Variants in SCARA5 observed in about 807,000 individuals in gnomAD.
SCARA5 encodes scavenger receptor class A member 5.
SCARA5 carries 45 observed loss-of-function variants against 46.3 expected under a neutral mutation model. The observed-to-expected ratio is 0.97, with a 90% CI of 0.76 to 1.24. The LOEUF (loss-of-function observed/expected upper bound fraction) is 1.24, where lower values mean the gene tolerates loss of function less well. SCARA5 is among the 50% of genes most tolerant of loss of function. The pLI is 0.00. For synonymous variants in SCARA5, 333 were observed against 306.5 expected (o/e 1.09, Z -0.90); for missense variants, 680 against 689.0 (o/e 0.99, Z 0.15).
At chr8:27,936,136 G>A (rs1807853133) in intron 3 of SCARA5, among the ~76,000 whole-genome samples, 2 of 152,128 alleles carry the variant, frequency 1.3e-5, no homozygotes, top group Non-Finnish European at 2.9e-5. Flanking sequence ...AAGAACCAGA[G>A]AGACTTTCCT....
chr8:27,886,657 C>CCAA (rs1806900544), intron 7 of SCARA5, among the ~76,000 whole-genome samples: 2 of 152,312 alleles, frequency 1.3e-5, no homozygotes, highest in African/African-American at 2.4e-5. Flanking sequence ...CCAACGCCCT[C>CCAA]CAACAGTGAC....
In SCARA5 at chr8:27,981,748, G is replaced by A. The variant is rs570628400; in HGVS notation, c.112+5756C>T. On this transcript the variant is annotated intron_variant, in intron 2 of 8. Coordinates refer to ENST00000354914, the MANE Select transcript of SCARA5 (RefSeq NM_173833.6). ...ATTGGGCAAGAGAGACCTGGAACAC[G>A]CCTGGCCACTGGCTCCCCCGGGGAC... Among the ~76,000 whole-genome samples the A allele has an allele frequency of 7.9e-5, 12 of 152,280 alleles. No individual in the cohort carries two copies. In the South Asian group the frequency reaches 1.0e-3, roughly 13 times the overall value.
chr8:27,901,554 G>A (rs1315874146), intron 7 of SCARA5, among the ~76,000 whole-genome samples: 1 of 152,150 alleles, frequency 6.6e-6, no homozygotes, highest in Non-Finnish European at 1.5e-5. Flanking sequence ...CCCCCACAGA[G>A]CCCGGGTCTC....
In SCARA5 at chr8:27,907,172, G is replaced by A. The variant is rs547444324; in HGVS notation, c.1072C>T (p.Pro358Ser). 6.2e-7 allele frequency: 1 copy of A among 1,613,666 alleles called. No homozygotes were observed. Among genetic ancestry groups the A allele is most frequent in the Non-Finnish European group, 8.5e-7 (1 of 1,179,794 alleles). ...CCTTTGAACCCACGCATGCCCATTG[G>A]TCCTGTGGCCCCCAGCTTCCCATCA... is the stretch of plus-strand genomic sequence containing the variant. ...GDDGKLGATG[P>S]MGMRGFKGDR... is the part of the protein sequence containing the mutation. Residue 358 changes from proline to serine, a missense_variant, in exon 6 of 9, where the codon CCA (proline) becomes TCA (serine). Coordinates refer to ENST00000354914, the MANE Select transcript of SCARA5 (RefSeq NM_173833.6).
At chr8:27,912,653 C>T (rs1807396902) in intron 4 of SCARA5, among the ~76,000 whole-genome samples, 1 of 152,242 alleles carries the variant, frequency 6.6e-6, no homozygotes, top group Non-Finnish European at 1.5e-5. Context: ...GCTGGATGCC[C>T]ACCCCTTTCT....
rs1171832483 is a variant in SCARA5, at chr8:27,872,036, G to T, written c.1386C>A (p.Cys462Ter). The T allele has an allele frequency of 6.2e-7, 1 of 1,614,244 alleles. No individual in the cohort carries two copies. Among genetic ancestry groups the T allele is most frequent in the Non-Finnish European group, 8.5e-7 (1 of 1,180,040 alleles). ...GGAAGATGGTTTCCTCTGTGCCCTTGCAGGCAACGTCATCCATCCAGATCC... is the reference window on the plus strand; with the variant it reads ...GGAAGATGGTTTCCTCTGTGCCCTTTCAGGCAACGTCATCCATCCAGATCC... ...TGRIWMDDVA[C>*]KGTEETIFRC... The change falls in exon 9 of 9, where the codon TGC becomes TGA. Residue 462 changes from cysteine (C) to a stop codon, truncating the protein, a stop_gained. Coordinates refer to ENST00000354914, the MANE Select transcript of SCARA5 (RefSeq NM_173833.6). LOFTEE classifies it high-confidence loss of function.
rs1181998571 is a variant in SCARA5 at position 27,921,742 on chromosome 8, G to C, written c.745C>G (p.Arg249Gly). ...TCGCTGGCGTTGCTCACCAGCACCC[G>C]CAGGTCCTGCAGCCGCGTGCGGTGG... is the stretch of plus-strand genomic sequence containing the variant. Reference protein sequence around the residue: ...ALHRTRLQDLRVLVSNASEDT... With the variant: ...ALHRTRLQDLGVLVSNASEDT... Residue 249 changes from arginine to glycine, a missense_variant, in exon 4 of 9, where the codon CGG becomes GGG. Physicochemically the swap from Arg to Gly is moderately radical, Grantham distance 125 (BLOSUM62 -2). Around this residue, in one of 3 missense-constraint regions of SCARA5, gnomAD observed 438 missense variants for 384.5 expected, o/e 1.14. Transcript: ENST00000354914. The C allele has an allele frequency of 6.3e-7, 1 of 1,585,746 alleles. No individual in the cohort carries two copies. Among genetic ancestry groups the C allele is most frequent in the South Asian group, 1.1e-5 (1 of 87,156 alleles).
chr8:27,879,750 C>G lies in SCARA5; in HGVS notation c.1170G>C (p.Pro390=), dbSNP rs141850473. Residue 390 remains proline, a synonymous_variant, in exon 8 of 9, where the codon CCG becomes CCC. Coordinates refer to ENST00000354914, the MANE Select transcript of SCARA5 (RefSeq NM_173833.6). ...RAGDASGVEA[P]MMIRLVNGSG... ...AGCCATTCACCAGGCGGATCATCAT[C>G]GGGGCCTCCACGCCACCTGCCGGAG... The G allele has an allele frequency of 6.2e-7, 1 of 1,612,858 alleles. No homozygotes were observed.
At chr8:27,931,055 T>A (rs1482622105) in intron 3 of SCARA5, among the ~76,000 whole-genome samples, 2 of 152,204 alleles carry the variant, frequency 1.3e-5, no homozygotes, top group Non-Finnish European at 2.9e-5. Context: ...AGGTCTGGAT[T>A]CATGTGACTT....
At chr8:27,984,392 A>G (rs1019261771) in intron 2 of SCARA5, among the ~76,000 whole-genome samples, 1 of 152,226 alleles carries the variant, frequency 6.6e-6, no homozygotes, top group Non-Finnish European at 1.5e-5. Context: ...ATGAAGATGG[A>G]CCCAGAGAAT....
intron 1 of SCARA5, among the ~76,000 whole-genome samples, chr8:27,990,707 C>G (rs754006737): frequency 2.0e-5 from 3 of 152,180 alleles, no homozygotes; most frequent in Non-Finnish European, 4.4e-5. Flanking sequence ...AATCCCACCT[C>G]AGACTGCCAG....
intron 6 of SCARA5, among the ~76,000 whole-genome samples, chr8:27,906,490 G>T (rs1195996838): frequency 6.6e-6 from 1 of 152,256 alleles, no homozygotes; most frequent in Non-Finnish European, 1.5e-5. Context: ...AGTCTGGCAG[G>T]ACTAGGGAGG....
At chr8:27,873,999 G>A (rs531554853) in intron 8 of SCARA5, among the ~76,000 whole-genome samples, 29 of 152,212 alleles carry the variant, frequency 1.9e-4, no homozygotes, top group Non-Finnish European at 3.5e-4. Flanking sequence ...ACAGCGAGCC[G>A]AGATCATGCC....
chr8:27,967,518 C>T (rs1327812455), intron 2 of SCARA5, among the ~76,000 whole-genome samples: 1 of 145,892 alleles, frequency 6.9e-6, no homozygotes, highest in Non-Finnish European at 1.5e-5. Flanking sequence ...GTGGGGGCGG[C>T]GGGGGGACGG....
chr8:27,895,345 A>G lies in SCARA5; in HGVS notation c.1153+9433T>C, dbSNP rs1473599403. Reference sequence around the variant, plus strand: ...TGAGGCTGAGGTGACACTGCTCGGCAGGAAATGTGATCCATATGGGAAGGA... The same window carrying G: ...TGAGGCTGAGGTGACACTGCTCGGCGGGAAATGTGATCCATATGGGAAGGA... On this transcript the variant is annotated intron_variant, in intron 7 of 8. Coordinates refer to ENST00000354914, the MANE Select transcript of SCARA5 (RefSeq NM_173833.6). 1.4e-4 allele frequency among the ~76,000 whole-genome samples: 21 copies of G among 152,204 alleles called. No individual in the cohort carries two copies. The East Asian group carries it at 4.0e-3, about 29-fold the overall frequency.
intron 2 of SCARA5, among the ~76,000 whole-genome samples, chr8:27,975,451 T>A (rs919413067): frequency 6.6e-6 from 1 of 152,106 alleles, no homozygotes; most frequent in African/African-American, 2.4e-5. Context: ...TTATAGCCAG[T>A]CAATCAAAGG....
At chr8:27,917,645 C>T (rs1270207018) in intron 4 of SCARA5, among the ~76,000 whole-genome samples, 1 of 152,156 alleles carries the variant, frequency 6.6e-6, no homozygotes, top group East Asian at 1.9e-4. Context: ...TCAGTCTTCT[C>T]ATCTATAAAG....
intron 3 of SCARA5, among the ~76,000 whole-genome samples, chr8:27,959,879 A>T (rs1184125759): frequency 1.3e-5 from 2 of 152,208 alleles, no homozygotes; most frequent in Non-Finnish European, 2.9e-5. Flanking sequence ...TGCTGGCTCC[A>T]TCGCTCCCTC....
At chr8:27,976,617 C>T (rs1030912436) in intron 2 of SCARA5, among the ~76,000 whole-genome samples, 1 of 152,158 alleles carries the variant, frequency 6.6e-6, no homozygotes, top group Non-Finnish European at 1.5e-5. Flanking sequence ...TTGAATACAC[C>T]TGTCTCACTC....
Sources: gnomAD v4.1 joint callset for allele counts (sites outside exome capture counted in the v4.1 genomes callset) on GRCh38, gnomAD v4.1.1 for gene constraint, gnomAD v4.1.1 regional missense constraint, MANE v1.5 for transcripts, NCBI Gene and HGNC (gene_info 2026-07-23, HGNC 2026-07-21) for gene names.